CDKL1: variants seen among roughly 807,000 people sequenced by gnomAD.
CDKL1 encodes the protein cyclin-dependent kinase-like 1.
In CDKL1, 41 loss-of-function variants were observed where a neutral mutation model predicts 42.0. The observed-to-expected ratio is 0.98, with a 90% CI of 0.76 to 1.27. The LOEUF is 1.27. Among genes scored for constraint, CDKL1 ranks in the 50% most tolerant of loss-of-function variants. The pLI, the probability that CDKL1 is intolerant of heterozygous loss-of-function variation, is 0.00. For missense variants in CDKL1, 394 were observed against 428.4 expected (o/e 0.92, Z 0.71); for synonymous variants, 153 against 158.6 (o/e 0.96, Z 0.26).
At chr14:50,369,850 C>T (rs1293226057) in intron 2 of CDKL1, among the ~76,000 whole-genome samples, 2 of 152,024 alleles carry the variant, frequency 1.3e-5, no homozygotes, top group African/African-American at 4.8e-5. Context: ...AACTCCTGAC[C>T]TCAAGTGATC....
chr14:50,396,644 CGCGGAG>C, intron 1 of CDKL1, 174 bp downstream of exon 1: 1 of 201,944 alleles, frequency 5.0e-6, no homozygotes, highest in Non-Finnish European at 8.8e-6. Flanking sequence ...CCCGGCTCCC[CGCGGAG>C]GCGGCGGCGA....
chr14:50,363,551 C>CT lies in CDKL1; in HGVS notation c.169-4403dup, dbSNP rs11570806. Among the ~76,000 whole-genome samples, 594 of 152,306 alleles carry CT rather than the reference C, an allele frequency of 3.9e-3. 3 individuals are homozygous for CT. Among genetic ancestry groups the CT allele is most frequent in the African/African-American group, 0.014 (563 of 41,562 alleles). ...GAAAAATAATCATCCTTAGGCTTTA[C>CT]TTTCATTTTCACACTATTTGCTCCC... On this transcript the variant is annotated intron_variant, in intron 2 of 9. Coordinates refer to ENST00000395834, the MANE Select transcript of CDKL1 (RefSeq NM_004196.7).
At chr14:50,343,080 G>T (rs1019721390) in intron 4 of CDKL1, 134 of 1,290,442 alleles carry the variant, frequency 1.0e-4, no homozygotes, top group Non-Finnish European at 1.2e-4. Context: ...GAACGTTTGA[G>T]AATCTTCACA....
intron 2 of CDKL1, among the ~76,000 whole-genome samples, chr14:50,383,421 G>A (rs2034979801): frequency 6.6e-6 from 1 of 151,856 alleles, no homozygotes; most frequent in African/African-American, 2.4e-5. Context: ...ATGGTGACGT[G>A]TGCCTGTAAT....
At chr14:50,352,784 A>T (rs2033941252) in intron 3 of CDKL1, among the ~76,000 whole-genome samples, 1 of 152,198 alleles carries the variant, frequency 6.6e-6, no homozygotes, top group South Asian at 2.1e-4. Context: ...CCAAGACAGT[A>T]TCCATTTCAA....
chr14:50,358,198 T>A, intron 3 of CDKL1: 1 of 1,236,900 alleles, frequency 8.1e-7, no homozygotes, highest in Non-Finnish European at 1.1e-6. Context: ...ACTCCCACCC[T>A]TCTCAGTTAC....
chr14:50,343,119 T>C, intron 4 of CDKL1: 1 of 1,031,858 alleles, frequency 9.7e-7, no homozygotes, highest in Non-Finnish European at 1.3e-6. Context: ...ACAATTTCTT[T>C]GGCAAAGAAC....
At chr14:50,346,028 G>C (rs901664329) in intron 3 of CDKL1, among the ~76,000 whole-genome samples, 1 of 152,112 alleles carries the variant, frequency 6.6e-6, no homozygotes, top group Non-Finnish European at 1.5e-5. Flanking sequence ...TGGACTTACT[G>C]TTTTGATAAA....
chr14:50,394,585 C>T (rs1223630335), intron 2 of CDKL1, among the ~76,000 whole-genome samples: 1 of 152,212 alleles, frequency 6.6e-6, no homozygotes, highest in Non-Finnish European at 1.5e-5. Context: ...AAGTTTCATT[C>T]ATCTGTCTCT....
At chr14:50,376,794 T>C (rs1329718470) in intron 2 of CDKL1, among the ~76,000 whole-genome samples, 1 of 152,178 alleles carries the variant, frequency 6.6e-6, no homozygotes, top group African/African-American at 2.4e-5. Context: ...GATTATATAC[T>C]TAACAAAACT....
chr14:50,366,790 G>T (rs560085605), intron 2 of CDKL1, among the ~76,000 whole-genome samples: 3 of 152,130 alleles, frequency 2.0e-5, no homozygotes, highest in Non-Finnish European at 4.4e-5. Flanking sequence ...ATGACACAAA[G>T]GTTTACACAC....
At chr14:50,341,313 C>A in intron 5 of CDKL1, 81 bp from the exon 6 acceptor site, 1 of 1,482,174 alleles carries the variant, frequency 6.7e-7, no homozygotes, top group Middle Eastern at 2.1e-4. Flanking sequence ...AGAAGTCAAG[C>A]CTGTGCCCAA....
intron 2 of CDKL1, among the ~76,000 whole-genome samples, chr14:50,360,810 G>GTGTGTGTC (rs1555341876): frequency 6.6e-6 from 1 of 151,882 alleles, no homozygotes; most frequent in African/African-American, 2.4e-5. Context: ...GTGTGTGTGT[G>GTGTGTGTC]TGTGTGTGTG....
chr14:50,382,450 C>T (rs1031603626), intron 2 of CDKL1, among the ~76,000 whole-genome samples: 1 of 150,840 alleles, frequency 6.6e-6, no homozygotes, highest in Non-Finnish European at 1.5e-5. Flanking sequence ...GACTCCATCT[C>T]AAAAAAAAAT....
In CDKL1 at chr14:50,328,224, A is replaced by T. The variant is rs2032782741; in HGVS notation, c.*1850T>A. On this transcript the variant is annotated 3_prime_UTR_variant, in exon 10 of 10. Coordinates refer to ENST00000395834, the MANE Select transcript of CDKL1 (RefSeq NM_004196.7). Reference sequence around the variant, plus strand: ...GTGTATTTTCTTGGGTTAAGGAAAAAAAAATTTTTTTTTAACTATTCACGG... The same window carrying T: ...GTGTATTTTCTTGGGTTAAGGAAAATAAAATTTTTTTTTAACTATTCACGG... The T allele has an allele frequency of 6.6e-6, 1 of 152,160 alleles. No individual in the cohort carries two copies. Among genetic ancestry groups the T allele is most frequent in the Non-Finnish European group, 1.5e-5 (1 of 68,036 alleles). The allele number at this position is 152,160 out of a possible 1,614,324, so 9.4% of individuals were successfully genotyped here.
At chr14:50,393,192 A>C (rs2035308104) in intron 2 of CDKL1, among the ~76,000 whole-genome samples, 1 of 152,020 alleles carries the variant, frequency 6.6e-6, no homozygotes. Context: ...GCCTCCAATC[A>C]CTTTATTTTC....
chr14:50,335,464 TGTTTAAACA>T (rs1212152715), intron 7 of CDKL1: 1 of 1,536,024 alleles, frequency 6.5e-7, no homozygotes, highest in Non-Finnish European at 8.7e-7. Flanking sequence ...CTCAGCCTGC[TGTTTAAACA>T]GTCTCCTGTG....
At chr14:50,378,813 A>T (rs1231244264) in intron 2 of CDKL1, among the ~76,000 whole-genome samples, 2 of 151,314 alleles carry the variant, frequency 1.3e-5, no homozygotes, top group Non-Finnish European at 2.9e-5. Flanking sequence ...TTGGGATTAC[A>T]GACGTGGGAT....
intron 7 of CDKL1, chr14:50,335,778 T>G (rs1467602659): frequency 2.0e-6 from 2 of 985,296 alleles, no homozygotes; most frequent in African/African-American, 1.7e-5. Flanking sequence ...ACAGTCCTGG[T>G]GCTGTGGCCA....
Sources: gnomAD v4.1 joint callset for allele counts (sites outside exome capture counted in the v4.1 genomes callset) on GRCh38, gnomAD v4.1.1 for gene constraint, MANE v1.5 for transcripts, NCBI Gene and HGNC (gene_info 2026-07-23, HGNC 2026-07-21) for gene names.